The following EVC variants were observed in gnomAD, a reference collection of about 807,000 sequenced individuals.
The protein encoded by EVC is EvC ciliary complex subunit 1.
A neutral mutation model predicts 118.9 loss-of-function variants in EVC; 116 were observed. The observed-to-expected ratio is 0.98, with a 90% CI of 0.84 to 1.14. EVC has a LOEUF of 1.14. Among genes scored for constraint, EVC ranks in the 50% most tolerant of loss-of-function variants. EVC has a pLI of 0.00. For missense variants in EVC, 1,401 were observed against 1,246.4 expected, an observed-to-expected ratio of 1.12 and a Z score of -1.87; for synonymous variants, 619 against 534.7, an observed-to-expected ratio of 1.16 and a Z score of -2.18.
In EVC at chr4:5,798,595, G is replaced by A. The variant is rs759723939; in HGVS notation, c.2107G>A (p.Val703Met). Residue 703 changes from valine to methionine, a missense_variant, in exon 15 of 21, where the codon GTG becomes ATG. Coordinates refer to ENST00000264956, the MANE Select transcript of EVC (RefSeq NM_153717.3). The surrounding 1 kb of genome is among the most constrained non-coding windows in gnomAD (Gnocchi z 4.1). ...GTCCTTTCCCTCCCAGGAGGCGCGT[G>A]TGCTGGAGGAGGCCAGCCGGCTAGA... Reference protein sequence around the residue: ...WQLLRALEARVLEEASRLEEE... With the variant: ...WQLLRALEARMLEEASRLEEE... 4.5e-6 allele frequency: 7 copies of A among 1,568,444 alleles called. No individual in the cohort carries two copies. Among genetic ancestry groups the A allele is most frequent in the Non-Finnish European group, 6.0e-6 (7 of 1,157,914 alleles).
At chr4:5,795,391 T>C (rs539587306) in intron 13 of EVC, among the ~76,000 whole-genome samples, 2 of 151,984 alleles carry the variant, frequency 1.3e-5, no homozygotes, top group Non-Finnish European at 2.9e-5. Flanking sequence ...GTGGCTTACA[T>C]CTGTAATCCC....
chr4:5,747,915 G>A (rs541233537), intron 7 of EVC, among the ~76,000 whole-genome samples: 18 of 152,238 alleles, frequency 1.2e-4, no homozygotes, highest in Admixed American at 8.5e-4. Context: ...CAGTGCTCTC[G>A]TGTCTGCTGA....
At chr4:5,741,442 G>C (rs1330701300) in intron 5 of EVC, among the ~76,000 whole-genome samples, 1 of 152,212 alleles carries the variant, frequency 6.6e-6, no homozygotes, top group Admixed American at 6.5e-5. Context: ...CTTGCACAGA[G>C]TAAGCACTCA....
rs567028188 is a variant in EVC at position 5,812,384 on chromosome 4, A to G, written c.*1347A>G. The stretch of plus-strand genomic sequence containing the variant: ...AACTTCCAGACCAGCCCCTCACACC[A>G]CAGCCAGGAGAGGCCTTTCCCGCCT... On this transcript the variant is annotated 3_prime_UTR_variant, in exon 21 of 21. Coordinates refer to ENST00000264956, the MANE Select transcript of EVC (RefSeq NM_153717.3). The G allele has an allele frequency of 6.0e-6, 1 of 165,304 alleles. No homozygotes were observed. Among genetic ancestry groups the G allele is most frequent in the South Asian group, 1.4e-4 (1 of 7,346 alleles). 10.2% of individuals were successfully genotyped at this position (165,304 alleles called of 1,614,324 possible). A position where few individuals can be genotyped will look rare whatever the true frequency, so the allele number is the denominator to read the frequency against.
intron 11 of EVC, among the ~76,000 whole-genome samples, chr4:5,766,897 A>G (rs1402606578): frequency 2.6e-5 from 4 of 151,924 alleles, no homozygotes; most frequent in Non-Finnish European, 5.9e-5. Context: ...GCCTTCTCTC[A>G]GCTTGTCAAA....
Position 5,804,791 on chromosome 4 carries a change from C to G in EVC, c.2511C>G (p.Gly837=). Residue 837 remains glycine, a synonymous_variant, in exon 17 of 21, where the codon GGC becomes GGG. Transcript: ENST00000264956. ...KKQELSNPSS[G]SRTAGGAHET... ...AAGAACTCAGCAACCCTTCGTCGGG[C>G]AGCAGGACGGCAGGTGGCGCTCATG... 1 of 1,614,170 alleles carries G rather than the reference C, an allele frequency of 6.2e-7. No homozygotes were observed. The highest frequency in any genetic ancestry group is 8.5e-7 in the Non-Finnish European group (1 of 1,180,040).
Position 5,743,003 on chromosome 4 carries a change from T to C in EVC, c.801+1189T>C, listed in dbSNP as rs895319703. Among the ~76,000 whole-genome samples the C allele has an allele frequency of 1.3e-5, 2 of 152,234 alleles. No homozygotes were observed. The highest frequency in any genetic ancestry group is 6.5e-5 in the Admixed American group (1 of 15,280). On this transcript the variant is annotated intron_variant, in intron 6 of 20. Coordinates refer to ENST00000264956, the MANE Select transcript of EVC (RefSeq NM_153717.3). This position sits in a 1 kb window ranked among gnomAD's most constrained non-coding sequence, Gnocchi z 4.7. ...TCATGTAAACCCACTTTCAATTACA[T>C]GCAAATGAAAGGGCAGTTCATTGCA...
chr4:5,741,556 C>T (rs1728576346), intron 5 of EVC, among the ~76,000 whole-genome samples, 160 bp from the exon 6 acceptor site: 1 of 151,896 alleles, frequency 6.6e-6, no homozygotes. Flanking sequence ...AATCGGAGTT[C>T]CTTTCCTTCA....
chr4:5,774,806 C>A (rs576567676), intron 11 of EVC, among the ~76,000 whole-genome samples: 1 of 152,252 alleles, frequency 6.6e-6, no homozygotes, highest in Non-Finnish European at 1.5e-5. Flanking sequence ...CCTTTACACA[C>A]ACTGGGAAAG....
chr4:5,750,437 A>G (rs961548371), intron 8 of EVC, among the ~76,000 whole-genome samples: 2 of 152,244 alleles, frequency 1.3e-5, no homozygotes, highest in Non-Finnish European at 2.9e-5. Flanking sequence ...CCTTCAGCCA[A>G]TGTTTAATGA....
intron 12 of EVC, among the ~76,000 whole-genome samples, chr4:5,785,897 T>G (rs1254274789): frequency 1.3e-5 from 2 of 152,170 alleles, no homozygotes; most frequent in East Asian, 3.8e-4. Flanking sequence ...TTACAGTCTT[T>G]GGGGAGGGAG....
In EVC at chr4:5,711,678, G is replaced by T. The variant is rs924579118; in HGVS notation, c.174+124G>T. The T allele has an allele frequency of 1.8e-4, 153 of 827,588 alleles. 1 individual carries two copies. The African/African-American group carries it at 2.7e-3, about 14-fold the overall frequency. The allele number at this position is 827,588 out of a possible 1,614,324, so 51.3% of individuals were successfully genotyped here. A position where few individuals can be genotyped will look rare whatever the true frequency, so the allele number is the denominator to read the frequency against. The stretch of plus-strand genomic sequence containing the variant: ...CTGGTTGGGAACTTCGCACGCAACC[G>T]CTTAGGCGTCGGGTTCCCCTTCTGC... On this transcript the variant is annotated intron_variant, in intron 1 of 20. Coordinates refer to ENST00000264956, the MANE Select transcript of EVC (RefSeq NM_153717.3).
intron 13 of EVC, among the ~76,000 whole-genome samples, chr4:5,796,595 G>C (rs541016275): frequency 3.3e-5 from 5 of 152,006 alleles, no homozygotes; most frequent in African/African-American, 1.2e-4. Context: ...TCAGACCTCT[G>C]TTCACCTCTC....
At chr4:5,762,299 C>T (rs1732186388) in intron 11 of EVC, among the ~76,000 whole-genome samples, 1 of 136,604 alleles carries the variant, frequency 7.3e-6, no homozygotes. Flanking sequence ...TCCAGTCTAT[C>T]ATTGTTGGAC....
At chr4:5,766,513 C>T (rs199548244) in intron 11 of EVC, among the ~76,000 whole-genome samples, 34,033 of 108,432 alleles carry the variant, frequency 0.31, 5,977 homozygotes, top group East Asian at 0.44. Context: ...CAACTTGGTT[C>T]CATTCTCCCC....
rs934674184 is a variant in EVC at position 5,754,781 on chromosome 4, G to C, written c.1464+848G>C. Among the ~76,000 whole-genome samples, 23 of 152,088 alleles carry C rather than the reference G, an allele frequency of 1.5e-4. No individual in the cohort carries two copies. Among genetic ancestry groups the C allele is most frequent in the African/African-American group, 4.8e-4 (20 of 41,412 alleles). ...CCACATCTGTGAAATGGGCATAATG[G>C]CACCTATATCACAGCATTGTTAGGA... On this transcript the variant is annotated intron_variant, in intron 10 of 20. Transcript: ENST00000264956. This position sits in a 1 kb window ranked among gnomAD's most constrained non-coding sequence, Gnocchi z 5.8.
rs914851315 is a variant in EVC at position 5,755,463 on chromosome 4, G to A, written c.1465-801G>A. On this transcript the variant is annotated intron_variant, in intron 10 of 20. Transcript: ENST00000264956. This position sits in a 1 kb window ranked among gnomAD's most constrained non-coding sequence, Gnocchi z 4.1. ...GGAATGGGTGGGAGAATGAACGAAC[G>A]ACACCAGGCTCCCAGTACACACTCA... 6.6e-6 allele frequency among the ~76,000 whole-genome samples: 1 copy of A among 152,108 alleles called. No homozygotes were observed. Among genetic ancestry groups the A allele is most frequent in the Admixed American group, 6.5e-5 (1 of 15,270 alleles).
At chr4:5,774,627 G>T (rs966450191) in intron 11 of EVC, among the ~76,000 whole-genome samples, 1 of 152,006 alleles carries the variant, frequency 6.6e-6, no homozygotes, top group African/African-American at 2.4e-5. Flanking sequence ...GTTTGAATGC[G>T]GCTGCAGAGG....
In EVC at chr4:5,783,640, C is replaced by A. The variant is rs371682994; in HGVS notation, c.1652C>A (p.Pro551Gln). The change falls in exon 12 of 21, where the codon CCG becomes CAG. Residue 551 changes from proline to glutamine, a missense_variant. Pro to Gln is a moderately conservative substitution (Grantham distance 76). Transcript: ENST00000264956. The part of the protein sequence containing the change: ...QTLPGMTGLP[P>Q]EECDYLRQEV... The stretch of plus-strand genomic sequence containing the variant: ...CTCCCTGGCATGACTGGCCTCCCCC[C>A]GGAAGAGTGTGACTACTTGAGGCAG... 2.7e-5 allele frequency: 43 copies of A among 1,614,166 alleles called. No individual in the cohort carries two copies. The highest frequency in any genetic ancestry group is 3.5e-5 in the Non-Finnish European group (41 of 1,180,030).
Sources: gnomAD v4.1 joint callset for allele counts (sites outside exome capture counted in the v4.1 genomes callset) on GRCh38, gnomAD v4.1.1 for gene constraint, Gnocchi (gnomAD v3.1) non-coding constraint, MANE v1.5 for transcripts, NCBI Gene and HGNC (gene_info 2026-07-23, HGNC 2026-07-21) for gene names.